Variants in JAKMIP2 observed in about 807,000 individuals in gnomAD.
JAKMIP2 encodes janus kinase and microtubule-interacting protein 2.
In JAKMIP2, 25 loss-of-function variants were observed where a neutral mutation model predicts 115.0. The ratio of observed to expected loss-of-function variants is 0.22; its 90% CI spans 0.16 to 0.30. The LOEUF is 0.30. Ranked by LOEUF, JAKMIP2 falls within the 10% of genes least tolerant of loss-of-function variation. The pLI is 1.00. For synonymous variants in JAKMIP2, 334 were observed against 343.6 expected, an observed-to-expected ratio of 0.97 and a Z score of 0.31; for missense variants, 642 against 957.6, an observed-to-expected ratio of 0.67 and a Z score of 4.35.
chr5:147,671,136 A>G (rs1306560072), intron 2 of JAKMIP2, among the ~76,000 whole-genome samples: 1 of 152,172 alleles, frequency 6.6e-6, no homozygotes, highest in East Asian at 1.9e-4. Flanking sequence ...TTGATCCAGC[A>G]AAAATAGGAA....
At chr5:147,601,897 G>A (rs1029906820) in intron 20 of JAKMIP2, 86 bp from the exon 21 acceptor site, 2 of 643,924 alleles carry the variant, frequency 3.1e-6, no homozygotes, top group African/African-American at 1.9e-5. Flanking sequence ...TTTCCATATT[G>A]CTCAAGTCTA....
chr5:147,672,807 G>A (rs1028872277), intron 1 of JAKMIP2, among the ~76,000 whole-genome samples: 1 of 152,162 alleles, frequency 6.6e-6, no homozygotes, highest in African/African-American at 2.4e-5. Flanking sequence ...AAAAAAGCAG[G>A]TGCCGAGACA....
chr5:147,778,304 G>GTTTTTGT (rs1210065242), intron 1 of JAKMIP2, among the ~76,000 whole-genome samples: 1 of 151,626 alleles, frequency 6.6e-6, no homozygotes, highest in Non-Finnish European at 1.5e-5. Context: ...GTTTTGCTTT[G>GTTTTTGT]TTTTTGTTTT....
At chr5:147,673,167 A>G (rs1759723873) in intron 1 of JAKMIP2, among the ~76,000 whole-genome samples, 1 of 152,134 alleles carries the variant, frequency 6.6e-6, no homozygotes, top group South Asian at 2.1e-4. Context: ...AAGAGGAGAG[A>G]AAAGGGGTGG....
chr5:147,707,346 C>T (rs1752618021), intron 1 of JAKMIP2, among the ~76,000 whole-genome samples: 1 of 152,104 alleles, frequency 6.6e-6, no homozygotes, highest in Admixed American at 6.6e-5. Context: ...CCTTAAAGTC[C>T]AGCTATTTTA....
Position 147,585,853 on chromosome 5 carries a change from G to C in JAKMIP2, c.*5854C>G, listed in dbSNP as rs1277993332. The C allele has an allele frequency of 6.6e-6, 1 of 152,020 alleles. No individual in the cohort carries two copies. The highest frequency in any genetic ancestry group is 1.5e-5 in the Non-Finnish European group (1 of 68,036). The allele number at this position is 152,020 out of a possible 1,614,324, so 9.4% of individuals were successfully genotyped here. ...TTGAGTCCCCAAAGTATTGGATCTTGAAGGCTAAAACATGCATGAACCCTG... is the reference window on the plus strand; with the variant it reads ...TTGAGTCCCCAAAGTATTGGATCTTCAAGGCTAAAACATGCATGAACCCTG... On this transcript the variant is annotated 3_prime_UTR_variant, in exon 22 of 22. Coordinates refer to ENST00000616793, the MANE Select transcript of JAKMIP2 (RefSeq NM_001270941.2).
intron 3 of JAKMIP2, among the ~76,000 whole-genome samples, chr5:147,656,275 G>A (rs10452517): frequency 0.25 from 38,492 of 152,124 alleles, 6,165 homozygotes; most frequent in East Asian, 0.46. Flanking sequence ...TCTGTCTAAT[G>A]TTGACAGTGG....
chr5:147,651,134 T>C (rs1252421506), intron 3 of JAKMIP2, among the ~76,000 whole-genome samples: 3 of 152,210 alleles, frequency 2.0e-5, no homozygotes, highest in Non-Finnish European at 2.9e-5. Context: ...TTCTCACTTG[T>C]ATTTCAGAGC....
At chr5:147,698,531 A>C (rs1752197131) in intron 1 of JAKMIP2, among the ~76,000 whole-genome samples, 1 of 152,130 alleles carries the variant, frequency 6.6e-6, no homozygotes, top group Admixed American at 6.5e-5. Flanking sequence ...CATAATCCCC[A>C]TGTGTTGTGG....
At chr5:147,719,848 A>C (rs1202059925) in intron 1 of JAKMIP2, among the ~76,000 whole-genome samples, 5 of 152,122 alleles carry the variant, frequency 3.3e-5, no homozygotes, top group African/African-American at 1.2e-4. Flanking sequence ...GTCCATTTAC[A>C]TTTAAAGTTA....
rs111261870 is a variant in JAKMIP2, at chr5:147,686,299, A to G, written c.-148-14345T>C. ...GGACTGTGCAGTCAGTTAGATTGGA[A>G]CTTGAATAAATCGTTTTTTTGGAAA... On this transcript the variant is annotated intron_variant, in intron 1 of 21. Coordinates refer to ENST00000616793, the MANE Select transcript of JAKMIP2 (RefSeq NM_001270941.2). Among the ~76,000 whole-genome samples, 1,475 of 152,198 alleles carry G rather than the reference A, an allele frequency of 9.7e-3. 28 individuals are homozygous for G. Among genetic ancestry groups the G allele is most frequent in the African/African-American group, 0.033 (1,384 of 41,488 alleles).
chr5:147,678,761 G>A (rs1760105215), intron 1 of JAKMIP2, among the ~76,000 whole-genome samples: 1 of 151,788 alleles, frequency 6.6e-6, no homozygotes, highest in Admixed American at 6.6e-5. Context: ...TTGCATGCCT[G>A]TATCAAAACA....
In JAKMIP2 at chr5:147,746,160, A is replaced by G. The variant is rs10067340; in HGVS notation, c.-149+36296T>C. Among the ~76,000 whole-genome samples the G allele has an allele frequency of 8.1e-3, 1,228 of 152,320 alleles. 11 individuals carry two copies. The highest frequency in any genetic ancestry group is 0.027 in the African/African-American group (1,134 of 41,586). ...TAGAAAGAACTGGACTTTTGCATGC[A>G]TCAGACTCAGCCAGAGGAAATAGGT... On this transcript the variant is annotated intron_variant, in intron 1 of 21. Coordinates refer to ENST00000616793, the MANE Select transcript of JAKMIP2 (RefSeq NM_001270941.2).
chr5:147,611,138 G>A lies in JAKMIP2; in HGVS notation c.2412+1168C>T, dbSNP rs112641230. Among the ~76,000 whole-genome samples, 481 of 152,264 alleles carry A rather than the reference G, an allele frequency of 3.2e-3. 1 individual carries two copies. Among genetic ancestry groups the A allele is most frequent in the Admixed American group, 8.1e-3 (124 of 15,306 alleles). ...GCTGGGATCCATGGGGGTGGGATCC[G>A]CTGAGCAAGACCACTTGGCTCCCTG... is the stretch of plus-strand genomic sequence containing the variant. On this transcript the variant is annotated intron_variant, in intron 20 of 21. Transcript: ENST00000616793.
intron 2 of JAKMIP2, among the ~76,000 whole-genome samples, chr5:147,668,006 C>T (rs148200692): frequency 9.2e-5 from 14 of 152,178 alleles, no homozygotes; most frequent in Admixed American, 1.3e-4. Context: ...ATGAGTTAAA[C>T]AGTTTGAACC....
chr5:147,759,876 A>G (rs1191923065), intron 1 of JAKMIP2, among the ~76,000 whole-genome samples: 1 of 152,090 alleles, frequency 6.6e-6, no homozygotes, highest in Non-Finnish European at 1.5e-5. Context: ...AGAAGCAGGT[A>G]GTCCCAGTCG....
intron 1 of JAKMIP2, among the ~76,000 whole-genome samples, chr5:147,732,342 A>G (rs1753764845): frequency 1.3e-5 from 2 of 152,148 alleles, no homozygotes; most frequent in African/African-American, 4.8e-5. Context: ...TAGTGGCTTC[A>G]TTTACAATAA....
At chr5:147,619,623 G>A (rs1756753122) in intron 18 of JAKMIP2, among the ~76,000 whole-genome samples, 1 of 152,196 alleles carries the variant, frequency 6.6e-6, no homozygotes. Flanking sequence ...AGCATAAGGA[G>A]AGAAGAAATG....
At chr5:147,779,416 G>GT (rs760497755) in intron 1 of JAKMIP2, among the ~76,000 whole-genome samples, 85 of 151,576 alleles carry the variant, frequency 5.6e-4, no homozygotes, top group Admixed American at 1.6e-3. Flanking sequence ...CATATAATTT[G>GT]TTTTTTTAAA....
Sources: allele counts gnomAD v4.1 joint callset (sites outside exome capture counted in the v4.1 genomes callset), GRCh38; gene constraint gnomAD v4.1.1; transcripts MANE v1.5; gene names NCBI Gene and HGNC (gene_info 2026-07-23, HGNC 2026-07-21).